Variants in CTNNA3 observed in about 807,000 individuals in gnomAD.
CTNNA3 encodes the protein catenin alpha-3.
CTNNA3 carries 76 observed loss-of-function variants against 95.7 expected under a neutral mutation model. The observed-to-expected ratio is 0.79, with a 90% CI of 0.66 to 0.96. The LOEUF is 0.96. CTNNA3 is among the 40% of genes least tolerant of loss of function. The probability of loss-of-function intolerance (pLI) is 0.00; values close to 1 mark genes in which losing one functional copy is unlikely to be tolerated. For missense variants in CTNNA3, 1,191 were observed against 1,089.8 expected (o/e 1.09, Z -1.31); for synonymous variants, 431 against 374.4 (o/e 1.15, Z -1.74).
At chr10:66,364,384 T>TA (rs1192639718) in intron 12 of CTNNA3, among the ~76,000 whole-genome samples, 1 of 152,000 alleles carries the variant, frequency 6.6e-6, no homozygotes, top group African/African-American at 2.4e-5. Context: ...CTCAATTTTT[T>TA]AAAAAATTAT....
In CTNNA3 at chr10:67,665,932, G is replaced by C. The variant is rs187794285; in HGVS notation, c.-5-18414C>G. On this transcript the variant is annotated intron_variant, in intron 1 of 17. Transcript: ENST00000433211. ...GTAGAATTTTTGAGAATTTGTAAAAGTAGAAAGAAAAAATATAAAACAGGC... is the reference window on the plus strand; with the variant it reads ...GTAGAATTTTTGAGAATTTGTAAAACTAGAAAGAAAAAATATAAAACAGGC... 1.8e-4 allele frequency among the ~76,000 whole-genome samples: 28 copies of C among 152,258 alleles called. No homozygotes were observed. The East Asian group carries it at 5.0e-3, about 27-fold the overall frequency.
chr10:66,649,404 A>G (rs1443350064), intron 9 of CTNNA3, among the ~76,000 whole-genome samples: 3 of 152,146 alleles, frequency 2.0e-5, no homozygotes, highest in Admixed American at 2.0e-4. Context: ...CAGAAATAAG[A>G]AAGACACACT....
intron 5 of CTNNA3, among the ~76,000 whole-genome samples, chr10:67,266,287 G>C (rs1866822363): frequency 6.7e-6 from 1 of 149,060 alleles, no homozygotes; most frequent in Non-Finnish European, 1.5e-5. Flanking sequence ...CTGTATTTTT[G>C]TTCAAAAAAA....
intron 11 of CTNNA3, among the ~76,000 whole-genome samples, chr10:66,388,595 T>A (rs1432380427): frequency 1.3e-5 from 2 of 152,108 alleles, no homozygotes; most frequent in African/African-American, 4.8e-5. Context: ...GCCATAGTGT[T>A]AAATCTTGTT....
chr10:67,388,627 A>C (rs1239475160), intron 5 of CTNNA3, among the ~76,000 whole-genome samples: 1 of 149,350 alleles, frequency 6.7e-6, no homozygotes, highest in Non-Finnish European at 1.5e-5. Context: ...CCAAAGTTGA[A>C]ATGAAGGAAA....
At chr10:66,325,267 A>C (rs991092554) in intron 12 of CTNNA3, among the ~76,000 whole-genome samples, 1 of 152,136 alleles carries the variant, frequency 6.6e-6, no homozygotes, top group African/African-American at 2.4e-5. Context: ...GGGTGAAAGA[A>C]AAAGAAACAT....
chr10:67,624,579 C>T (rs1343859144), intron 2 of CTNNA3, among the ~76,000 whole-genome samples: 3 of 152,156 alleles, frequency 2.0e-5, no homozygotes, highest in Non-Finnish European at 4.4e-5. Context: ...TGTTAATCTG[C>T]CTCTTGTCAG....
At chr10:67,692,300 G>C (rs1368205918) in intron 1 of CTNNA3, among the ~76,000 whole-genome samples, 1 of 148,972 alleles carries the variant, frequency 6.7e-6, no homozygotes, top group African/African-American at 2.5e-5. Context: ...AATAGAAAGG[G>C]GGGAAAGGTG....
intron 10 of CTNNA3, among the ~76,000 whole-genome samples, chr10:66,590,896 T>A (rs1270171750): frequency 2.0e-5 from 3 of 152,126 alleles, no homozygotes; most frequent in Non-Finnish European, 2.9e-5. Flanking sequence ...ATTGCTAATA[T>A]ATCTAAGGCA....
chr10:66,006,731 A>G (rs903527183), intron 15 of CTNNA3, among the ~76,000 whole-genome samples: 7 of 152,160 alleles, frequency 4.6e-5, no homozygotes, highest in Non-Finnish European at 1.0e-4. Flanking sequence ...AGCTCAGAAA[A>G]TAATCGCATT....
chr10:67,182,226 T>C (rs1862589632), intron 6 of CTNNA3, among the ~76,000 whole-genome samples: 1 of 152,088 alleles, frequency 6.6e-6, no homozygotes, highest in Admixed American at 6.6e-5. Context: ...AGAGCCCACA[T>C]CAGCAAGTCA....
intron 17 of CTNNA3, 126 bp downstream of exon 17, chr10:65,966,486 A>G: frequency 2.8e-6 from 2 of 715,052 alleles, no homozygotes; most frequent in Non-Finnish European, 2.1e-6. Flanking sequence ...TACTTTTAAT[A>G]AAAACTCCAA....
chr10:66,266,926 G>T (rs1381279129), intron 13 of CTNNA3, among the ~76,000 whole-genome samples: 1 of 151,928 alleles, frequency 6.6e-6, no homozygotes, highest in Non-Finnish European at 1.5e-5. Context: ...GGCATAAATG[G>T]TATAATTAGT....
intron 16 of CTNNA3, among the ~76,000 whole-genome samples, chr10:65,986,090 C>T (rs531512058): frequency 1.3e-5 from 2 of 151,228 alleles, no homozygotes; most frequent in Non-Finnish European, 3.0e-5. Context: ...TAAAACATTG[C>T]TATTACTAAT....
intron 7 of CTNNA3, among the ~76,000 whole-genome samples, chr10:67,026,335 G>A (rs1165814010): frequency 1.3e-5 from 2 of 151,732 alleles, no homozygotes; most frequent in African/African-American, 2.4e-5. Context: ...GTTTTAAGAA[G>A]ATGAATTAAT....
At chr10:66,200,006 G>A (rs866505206) in intron 13 of CTNNA3, among the ~76,000 whole-genome samples, 2 of 149,722 alleles carry the variant, frequency 1.3e-5, no homozygotes, top group African/African-American at 4.9e-5. Flanking sequence ...AGGAAGTAGC[G>A]TTCAGATAAA....
chr10:66,757,568 T>TA (rs1417192454), intron 9 of CTNNA3, among the ~76,000 whole-genome samples: 2 of 152,168 alleles, frequency 1.3e-5, no homozygotes, highest in African/African-American at 4.8e-5. Flanking sequence ...ATGCAGATTT[T>TA]ACAGGCAGAA....
chr10:65,984,868 G>A (rs1369621947), intron 16 of CTNNA3, among the ~76,000 whole-genome samples: 2 of 151,166 alleles, frequency 1.3e-5, no homozygotes, highest in African/African-American at 4.8e-5. Flanking sequence ...AAAAGTGAAT[G>A]CAATAAGATT....
At chr10:67,260,710 G>A (rs1866570336) in intron 5 of CTNNA3, among the ~76,000 whole-genome samples, 1 of 151,440 alleles carries the variant, frequency 6.6e-6, no homozygotes. Context: ...TTGAGGTGGA[G>A]TTTCACTCTT....
Sources: allele counts gnomAD v4.1 joint callset (sites outside exome capture counted in the v4.1 genomes callset), GRCh38; gene constraint gnomAD v4.1.1; transcripts MANE v1.5; gene names NCBI Gene and HGNC (gene_info 2026-07-23, HGNC 2026-07-21).